GSE1: variants seen among roughly 807,000 people sequenced by gnomAD.
GSE1 encodes the protein Gse1 coiled-coil protein.
GSE1 carries 32 observed loss-of-function variants against 112.6 expected under a neutral mutation model. That is an observed-to-expected ratio of 0.28 (90% CI 0.21 to 0.38). The LOEUF is 0.38. GSE1 is among the 10% of genes least tolerant of loss of function. The pLI is 1.00. For missense variants in GSE1, 2,348 were observed against 1,699.2 expected (o/e 1.38, Z -6.71); for synonymous variants, 1,115 against 735.6 (o/e 1.52, Z -8.35).
intron 1 of GSE1, among the ~76,000 whole-genome samples, chr16:85,570,619 A>T (rs886481710): frequency 6.6e-6 from 1 of 152,150 alleles, no homozygotes; most frequent in Admixed American, 6.5e-5. Context: ...AGCGGGTCAG[A>T]CCGGTGGGGT....
At chr16:85,202,269 C>T (rs1053134220) in intron 1 of GSE1, among the ~76,000 whole-genome samples, 1 of 152,216 alleles carries the variant, frequency 6.6e-6, no homozygotes, top group African/African-American at 2.4e-5. Context: ...CGGCAGCTTC[C>T]GAGGAAGGGC....
intron 1 of GSE1, among the ~76,000 whole-genome samples, chr16:85,213,673 C>G (rs954411766): frequency 6.6e-6 from 1 of 152,210 alleles, no homozygotes; most frequent in African/African-American, 2.4e-5. Context: ...AGGAAGACAC[C>G]CCCAGCCCAG....
At chr16:85,472,361 C>T (rs1291623193) in intron 2 of GSE1, among the ~76,000 whole-genome samples, 1 of 152,162 alleles carries the variant, frequency 6.6e-6, no homozygotes, top group Non-Finnish European at 1.5e-5. Flanking sequence ...CTGGTAGCTC[C>T]GGGCGTTCCT....
chr16:85,433,248 AG>A (rs1273791095), intron 2 of GSE1, among the ~76,000 whole-genome samples: 1 of 152,120 alleles, frequency 6.6e-6, no homozygotes, highest in Non-Finnish European at 1.5e-5. Flanking sequence ...AATCTTCATA[AG>A]AACCCCAAAG....
intron 14 of GSE1, 153 bp from the exon 15 acceptor site, chr16:85,670,842 G>A: frequency 3.4e-6 from 2 of 593,658 alleles, no homozygotes; most frequent in Non-Finnish European, 3.1e-6. Context: ...AATTCAAAGG[G>A]CTGGGAGCAT....
At chr16:85,352,011 A>G (rs1335036929) in intron 1 of GSE1, among the ~76,000 whole-genome samples, 5 of 152,264 alleles carry the variant, frequency 3.3e-5, no homozygotes, top group African/African-American at 9.6e-5. Flanking sequence ...AAACAAAAAA[A>G]AAACCCAAAT....
intron 2 of GSE1, among the ~76,000 whole-genome samples, chr16:85,384,199 C>T (rs1399585488): frequency 6.6e-6 from 1 of 152,222 alleles, no homozygotes; most frequent in African/African-American, 2.4e-5. Context: ...GGTGACTGCC[C>T]AGCCCAGGCT....
intron 2 of GSE1, among the ~76,000 whole-genome samples, chr16:85,445,172 A>G (rs1045513740): frequency 3.3e-5 from 5 of 152,146 alleles, no homozygotes; most frequent in Non-Finnish European, 4.4e-5. Context: ...TCGGGGTGCC[A>G]CACACCTGAC....
At chr16:85,469,350 T>G (rs2050217350) in intron 2 of GSE1, among the ~76,000 whole-genome samples, 1 of 151,824 alleles carries the variant, frequency 6.6e-6, no homozygotes, top group South Asian at 2.1e-4. Context: ...CACGTGAAGA[T>G]GGAGGCAGAG....
Position 85,663,488 on chromosome 16 carries a change from T to A in GSE1, c.2518T>A (p.Ser840Thr), listed in dbSNP as rs1316767796. Residue 840 changes from serine to threonine, a missense_variant, in exon 11 of 16, where the codon TCA becomes ACA. Coordinates refer to ENST00000253458, the MANE Select transcript of GSE1 (RefSeq NM_014615.5). ...PTIQSKRQTP[S>T]PRLALSTRYS... Reference sequence around the variant, plus strand: ...AATTCAGAGCAAGCGGCAGACGCCTTCACCGAGACTGGCGCTGTCTACCCG... The same window carrying A: ...AATTCAGAGCAAGCGGCAGACGCCTACACCGAGACTGGCGCTGTCTACCCG... 6.2e-7 allele frequency: 1 copy of A among 1,613,622 alleles called. No individual in the cohort carries two copies. Among genetic ancestry groups the A allele is most frequent in the Non-Finnish European group, 8.5e-7 (1 of 1,179,940 alleles).
chr16:85,171,069 C>G, exon 1 of GSE1: 1 of 985,818 alleles, frequency 1.0e-6, no homozygotes, highest in Non-Finnish European at 1.2e-6. Flanking sequence ...TCCTCAGCCT[C>G]CTGCCCTGCC....
At chr16:85,252,170 C>T (rs1239034623) in intron 1 of GSE1, among the ~76,000 whole-genome samples, 2 of 146,856 alleles carry the variant, frequency 1.4e-5, no homozygotes, top group Non-Finnish European at 3.0e-5. Flanking sequence ...AGTAAACATC[C>T]GCTGCCTGGG....
intron 2 of GSE1, among the ~76,000 whole-genome samples, chr16:85,541,469 CA>C (rs2044516379): frequency 6.6e-6 from 1 of 152,238 alleles, no homozygotes; most frequent in South Asian, 2.1e-4. Flanking sequence ...GCTCCTGGGC[CA>C]AGTGAAAACC....
upstream of GSE1, chr16:85,554,984 C>G (rs980240058): frequency 6.0e-5 from 59 of 985,352 alleles, no homozygotes; most frequent in African/African-American, 1.6e-4. Context: ...CCCCGCTCCC[C>G]GTCCGCATGG....
intron 1 of GSE1, among the ~76,000 whole-genome samples, chr16:85,219,470 G>C (rs368734309): frequency 3.3e-5 from 5 of 152,302 alleles, no homozygotes. Flanking sequence ...GGCTGGCCTG[G>C]GTCCTACCTG....
intron 1 of GSE1, among the ~76,000 whole-genome samples, chr16:85,329,306 C>G (rs1347452853): frequency 1.3e-5 from 2 of 152,158 alleles, no homozygotes; most frequent in African/African-American, 4.8e-5. Flanking sequence ...TGGAGAAGGA[C>G]CTTCGGAGCA....
intron 2 of GSE1, among the ~76,000 whole-genome samples, chr16:85,550,234 C>T (rs897429099): frequency 1.3e-5 from 2 of 152,134 alleles, no homozygotes; most frequent in African/African-American, 4.8e-5. Flanking sequence ...TGGTAATGAA[C>T]ATGCACTCTG....
At chr16:85,461,588 A>G (rs912799034) in intron 2 of GSE1, among the ~76,000 whole-genome samples, 6 of 152,122 alleles carry the variant, frequency 3.9e-5, no homozygotes, top group African/African-American at 9.7e-5. Context: ...CCTGGTGTAC[A>G]TGGTTGTTTC....
Position 85,663,506 on chromosome 16 carries a change from T to C in GSE1, c.2536T>C (p.Ser846Pro), listed in dbSNP as rs2052599652. Residue 846 changes from serine (S) to proline (P), a missense_variant, in exon 11 of 16, where the codon TCT becomes CCT. By Grantham distance (74) the Ser-to-Pro change is moderately conservative. Transcript: ENST00000253458. ...GACGCCTTCACCGAGACTGGCGCTG[T>C]CTACCCGCTACAGCCCTGATGAGAT... ...RQTPSPRLAL[S>P]TRYSPDEMNN... 2 of 1,613,664 alleles carry C rather than the reference T, an allele frequency of 1.2e-6. No individual in the cohort carries two copies. The highest frequency in any genetic ancestry group is 1.1e-5 in the South Asian group (1 of 91,056).
Sources: gnomAD v4.1 joint callset for allele counts (sites outside exome capture counted in the v4.1 genomes callset) on GRCh38, gnomAD v4.1.1 for gene constraint, MANE v1.5 for transcripts, NCBI Gene and HGNC (gene_info 2026-07-23, HGNC 2026-07-21) for gene names.